MAP3K13: variants seen among roughly 807,000 people sequenced by gnomAD.
The protein encoded by MAP3K13 is mitogen-activated protein kinase kinase kinase 13, also known as leucine zipper-bearing kinase.
MAP3K13 carries 52 observed loss-of-function variants against 104.0 expected under a neutral mutation model. The observed-to-expected ratio is 0.50, with a 90% CI of 0.40 to 0.63. MAP3K13 has a LOEUF of 0.63. MAP3K13 is among the 20% of genes least tolerant of loss of function. The pLI is 0.00. For synonymous variants in MAP3K13, 394 were observed against 442.2 expected, an observed-to-expected ratio of 0.89 and a Z score of 1.37; for missense variants, 914 against 1,218.5, an observed-to-expected ratio of 0.75 and a Z score of 3.72.
intron 12 of MAP3K13, among the ~76,000 whole-genome samples, chr3:185,477,886 C>T (rs1347525698): frequency 6.6e-6 from 1 of 152,184 alleles, no homozygotes; most frequent in Admixed American, 6.5e-5. Context: ...CACCTTCTTG[C>T]TGTTTCCTCA....
intron 1 of MAP3K13, among the ~76,000 whole-genome samples, chr3:185,405,837 A>C (rs1713084522): frequency 6.6e-6 from 1 of 152,248 alleles, no homozygotes; most frequent in Non-Finnish European, 1.5e-5. Context: ...GGGTAGGACT[A>C]TCTGACCGGG....
At chr3:185,409,693 T>C (rs1477667950) in intron 1 of MAP3K13, among the ~76,000 whole-genome samples, 1 of 152,208 alleles carries the variant, frequency 6.6e-6, no homozygotes, top group African/African-American at 2.4e-5. Flanking sequence ...CCTATGTTTA[T>C]TGCAGGACTA....
rs755440158 is a variant in MAP3K13, at chr3:185,428,537, A to T, written c.-45A>T. 6.6e-7 allele frequency: 1 copy of T among 1,520,592 alleles called. No individual in the cohort carries two copies. Among genetic ancestry groups the T allele is most frequent in the Non-Finnish European group, 8.8e-7 (1 of 1,136,462 alleles). 94.2% of individuals were successfully genotyped at this position (1,520,592 alleles called of 1,614,324 possible). ...CTTAAGTCAGAACTCTGTCCCAAAA[A>T]TCTTCTGAGTGTCATCTCAGGACTT... On this transcript the variant is annotated 5_prime_UTR_variant, in exon 2 of 14. Coordinates refer to ENST00000265026, the MANE Select transcript of MAP3K13 (RefSeq NM_004721.5).
chr3:185,452,488 C>T lies in MAP3K13; in HGVS notation c.1278+1093C>T, dbSNP rs189449368. 3.3e-5 allele frequency among the ~76,000 whole-genome samples: 5 copies of T among 152,292 alleles called. No homozygotes were observed. The East Asian group carries it at 7.7e-4, about 24-fold the overall frequency. On this transcript the variant is annotated intron_variant, in intron 7 of 13. Coordinates refer to ENST00000265026, the MANE Select transcript of MAP3K13 (RefSeq NM_004721.5). ...CTGGGCTCAAGCGATCTCCCTGCCTCGGCCTCCCAAACTGCTGGGATTACA... is the reference window on the plus strand; with the variant it reads ...CTGGGCTCAAGCGATCTCCCTGCCTTGGCCTCCCAAACTGCTGGGATTACA...
chr3:185,417,590 C>T (rs1560095386), intron 1 of MAP3K13: 1 of 1,601,178 alleles, frequency 6.2e-7, no homozygotes, highest in East Asian at 2.3e-5. Flanking sequence ...TTTTTTCCCA[C>T]CAGAGGCTTC....
intron 13 of MAP3K13, among the ~76,000 whole-genome samples, chr3:185,481,010 A>T (rs1056226454): frequency 2.0e-5 from 3 of 152,200 alleles, no homozygotes; most frequent in Admixed American, 1.3e-4. Context: ...CAGAGAGCCA[A>T]ACCATATCAG....
At chr3:185,307,538 A>G (rs1159784159) in intron 2 of MAP3K13, among the ~76,000 whole-genome samples, 2 of 40,232 alleles carry the variant, frequency 5.0e-5, no homozygotes, top group Non-Finnish European at 5.3e-5. Context: ...CATTTGGTGC[A>G]CCACCCCCTC....
chr3:185,422,673 A>C (rs1263988712), intron 1 of MAP3K13, among the ~76,000 whole-genome samples: 1 of 152,272 alleles, frequency 6.6e-6, no homozygotes, highest in Non-Finnish European at 1.5e-5. Context: ...ATTCAAAAAA[A>C]TAAATCACAC....
intron 3 of MAP3K13, among the ~76,000 whole-genome samples, chr3:185,438,098 G>T (rs1233565558): frequency 1.3e-5 from 2 of 152,102 alleles, no homozygotes; most frequent in East Asian, 1.9e-4. Flanking sequence ...TTTGAGACCA[G>T]CCTGGGCAAT....
chr3:185,385,188 T>G (rs9869754), intron 1 of MAP3K13, among the ~76,000 whole-genome samples: 14,564 of 152,150 alleles, frequency 0.096, 864 homozygotes, highest in East Asian at 0.16. Flanking sequence ...TCTCACTCTG[T>G]CTCTCAGGCT....
At chr3:185,414,054 T>A (rs1350489899) in intron 1 of MAP3K13, among the ~76,000 whole-genome samples, 1 of 152,174 alleles carries the variant, frequency 6.6e-6, no homozygotes, top group Non-Finnish European at 1.5e-5. Flanking sequence ...GTGTTGTGGT[T>A]AAGGGCTCAG....
At chr3:185,303,088 G>A (rs1183983032) in intron 2 of MAP3K13, among the ~76,000 whole-genome samples, 4 of 151,996 alleles carry the variant, frequency 2.6e-5, no homozygotes, top group African/African-American at 9.7e-5. Context: ...CAGTTGAGAC[G>A]GTCATATGGT....
chr3:185,343,211 G>A (rs934013007), intron 2 of MAP3K13, among the ~76,000 whole-genome samples: 1 of 152,160 alleles, frequency 6.6e-6, no homozygotes, highest in Admixed American at 6.6e-5. Flanking sequence ...TTGATTGGAA[G>A]CAAGTATTAC....
chr3:185,283,343 G>A (rs1720378447), intron 1 of MAP3K13, among the ~76,000 whole-genome samples: 1 of 152,152 alleles, frequency 6.6e-6, no homozygotes, highest in Non-Finnish European at 1.5e-5. Flanking sequence ...CTGGGGCACT[G>A]AGATGAGTTG....
intron 2 of MAP3K13, among the ~76,000 whole-genome samples, chr3:185,342,527 G>A (rs7609802): frequency 0.93 from 142,051 of 152,274 alleles, 66,428 homozygotes; most frequent in African/African-American, 0.98. Flanking sequence ...ATCTAATACA[G>A]TACTAGATAT....
chr3:185,343,146 T>G (rs1398118283), intron 2 of MAP3K13, among the ~76,000 whole-genome samples: 3 of 152,160 alleles, frequency 2.0e-5, no homozygotes, highest in Admixed American at 6.6e-5. Context: ...ATATAGCATA[T>G]TCACATATTA....
At chr3:185,307,210 A>T (rs1033396705) in intron 2 of MAP3K13, among the ~76,000 whole-genome samples, 1 of 150,072 alleles carries the variant, frequency 6.7e-6, no homozygotes, top group African/African-American at 2.5e-5. Context: ...TTCAATTTAG[A>T]TTTCCATTTC....
chr3:185,433,721 G>A (rs189482967), intron 2 of MAP3K13, among the ~76,000 whole-genome samples: 17 of 152,270 alleles, frequency 1.1e-4, no homozygotes, highest in Admixed American at 1.1e-3. Context: ...AGACTTGGCT[G>A]AACATAGTTG....
intron 1 of MAP3K13, among the ~76,000 whole-genome samples, chr3:185,387,791 A>G (rs1284769847): frequency 6.6e-6 from 1 of 152,134 alleles, no homozygotes; most frequent in Non-Finnish European, 1.5e-5. Context: ...CTCATTCAAC[A>G]TAGCATGGGA....
Sources: gnomAD v4.1 joint callset for allele counts (sites outside exome capture counted in the v4.1 genomes callset) on GRCh38, gnomAD v4.1.1 for gene constraint, MANE v1.5 for transcripts, NCBI Gene and HGNC (gene_info 2026-07-23, HGNC 2026-07-21) for gene names.